CDYL2: variants seen among roughly 807,000 people sequenced by gnomAD.
CDYL2 encodes the protein chromodomain Y like 2.
In CDYL2, 23 loss-of-function variants were observed where a neutral mutation model predicts 49.4. The ratio of observed to expected loss-of-function variants is 0.47; its 90% confidence interval spans 0.34 to 0.66. The LOEUF (loss-of-function observed/expected upper bound fraction) is 0.66, where lower values mean the gene tolerates loss of function less well. Ranked by LOEUF, CDYL2 falls within the 30% of genes least tolerant of loss-of-function variation. The pLI is 0.01. For missense variants in CDYL2, 678 were observed against 656.4 expected, an observed-to-expected ratio of 1.03 and a Z score of -0.36; for synonymous variants, 360 against 268.8, an observed-to-expected ratio of 1.34 and a Z score of -3.32.
At chr16:80,736,948 A>C (rs867058264) in intron 1 of CDYL2, among the ~76,000 whole-genome samples, 5 of 152,132 alleles carry the variant, frequency 3.3e-5, no homozygotes, top group South Asian at 2.1e-4. Flanking sequence ...GGAGCCCTGG[A>C]AATTTATATT....
chr16:80,721,606 T>A lies in CDYL2; in HGVS notation c.25-36477A>T, dbSNP rs74030405. 4.0e-3 allele frequency among the ~76,000 whole-genome samples: 610 copies of A among 152,328 alleles called. 3 individuals carry two copies. Among genetic ancestry groups the A allele is most frequent in the African/African-American group, 0.014 (587 of 41,582 alleles). On this transcript the variant is annotated intron_variant, in intron 1 of 6. Coordinates refer to ENST00000570137, the MANE Select transcript of CDYL2 (RefSeq NM_152342.4). ...GACCACTTTCTTCTAAGCAGGTTTA[T>A]ATCTAGCACGTGATCCACCATATTC...
intron 2 of CDYL2, among the ~76,000 whole-genome samples, chr16:80,648,816 C>A (rs771147200): frequency 2.0e-5 from 3 of 152,036 alleles, no homozygotes; most frequent in Non-Finnish European, 4.4e-5. Context: ...TGGGATTTAT[C>A]CCTGGGATAC....
intron 1 of CDYL2, among the ~76,000 whole-genome samples, chr16:80,785,859 G>T (rs552269967): frequency 9.9e-5 from 15 of 152,252 alleles, no homozygotes; most frequent in African/African-American, 3.4e-4. Context: ...AAAAGCAATG[G>T]GGAAAAGATT....
At chr16:80,751,414 G>C (rs1041727910) in intron 1 of CDYL2, among the ~76,000 whole-genome samples, 1 of 152,188 alleles carries the variant, frequency 6.6e-6, no homozygotes, top group Admixed American at 6.5e-5. Flanking sequence ...AGCAGTATAG[G>C]GGTAGATGCT....
intron 1 of CDYL2, among the ~76,000 whole-genome samples, chr16:80,722,718 T>C (rs7200532): frequency 0.26 from 39,790 of 152,200 alleles, 6,586 homozygotes; most frequent in Middle Eastern, 0.47. Flanking sequence ...CAAGATACTG[T>C]GCTCCTTCTT....
At chr16:80,741,279 G>A (rs1047693430) in intron 1 of CDYL2, among the ~76,000 whole-genome samples, 23 of 151,152 alleles carry the variant, frequency 1.5e-4, no homozygotes, top group African/African-American at 5.3e-4. Flanking sequence ...TAAGTAAAGG[G>A]AAATTATAAA....
intron 1 of CDYL2, among the ~76,000 whole-genome samples, chr16:80,752,555 A>G (rs113822682): frequency 1.3e-5 from 2 of 152,332 alleles, no homozygotes; most frequent in African/African-American, 4.8e-5. Context: ...AGCAGGAGGA[A>G]CAACAATAAA....
intron 1 of CDYL2, among the ~76,000 whole-genome samples, chr16:80,747,186 C>T (rs1196904133): frequency 6.6e-6 from 1 of 152,112 alleles, no homozygotes; most frequent in African/African-American, 2.4e-5. Context: ...AACAAAATTT[C>T]AAGAAAATTA....
chr16:80,694,943 G>C (rs554019670), intron 1 of CDYL2, among the ~76,000 whole-genome samples: 9 of 152,302 alleles, frequency 5.9e-5, no homozygotes, highest in African/African-American at 2.2e-4. Flanking sequence ...GGCCAAAACT[G>C]GAACAATCTG....
Position 80,732,240 on chromosome 16 carries a change from C to G in CDYL2, c.25-47111G>C, listed in dbSNP as rs139019361. Among the ~76,000 whole-genome samples the G allele has an allele frequency of 5.1e-3, 770 of 152,246 alleles. 36 individuals carry two copies. Among genetic ancestry groups the G allele is most frequent in the Admixed American group, 0.048 (729 of 15,306 alleles). ...TTCCACATTTTAACATCTCTGAAAT[C>G]AGGATACATTCTACAACTGAGAGAG... On this transcript the variant is annotated intron_variant, in intron 1 of 6. Transcript: ENST00000570137.
At chr16:80,745,062 A>C (rs1905878679) in intron 1 of CDYL2, among the ~76,000 whole-genome samples, 1 of 152,206 alleles carries the variant, frequency 6.6e-6, no homozygotes, top group South Asian at 2.1e-4. Flanking sequence ...GAGGCCCTCC[A>C]TCGAGGAAGT....
intron 2 of CDYL2, among the ~76,000 whole-genome samples, chr16:80,658,023 T>C (rs1908883153): frequency 7.4e-6 from 1 of 134,730 alleles, no homozygotes; most frequent in African/African-American, 2.8e-5. Flanking sequence ...TACATTCCAA[T>C]AAAGAGAAGA....
At chr16:80,732,702 A>C (rs1905372844) in intron 1 of CDYL2, among the ~76,000 whole-genome samples, 2 of 152,228 alleles carry the variant, frequency 1.3e-5, no homozygotes, top group Non-Finnish European at 2.9e-5. Context: ...AAACATTTAC[A>C]AGGAAGCCTA....
At chr16:80,624,239 G>C (rs1001670750) in intron 3 of CDYL2, among the ~76,000 whole-genome samples, 1 of 152,306 alleles carries the variant, frequency 6.6e-6, no homozygotes. Flanking sequence ...ACCACAAACA[G>C]GCTCAGCCCT....
chr16:80,690,906 A>T (rs1199569568), intron 1 of CDYL2, among the ~76,000 whole-genome samples: 2 of 152,190 alleles, frequency 1.3e-5, no homozygotes, highest in Non-Finnish European at 2.9e-5. Context: ...AACCAGCACA[A>T]TGTATAAAAT....
intron 2 of CDYL2, among the ~76,000 whole-genome samples, chr16:80,644,033 T>A (rs575764676): frequency 6.6e-6 from 1 of 152,374 alleles, no homozygotes; most frequent in African/African-American, 2.4e-5. Flanking sequence ...CAAACTTTTA[T>A]GCTCTGTTTC....
intron 1 of CDYL2, among the ~76,000 whole-genome samples, chr16:80,774,484 T>G (rs1416326769): frequency 6.6e-6 from 1 of 152,118 alleles, no homozygotes; most frequent in Non-Finnish European, 1.5e-5. Context: ...TCCACAGCAC[T>G]GCACTGTGAC....
chr16:80,771,311 C>G (rs1177412397), intron 1 of CDYL2, among the ~76,000 whole-genome samples: 1 of 152,160 alleles, frequency 6.6e-6, no homozygotes, highest in Non-Finnish European at 1.5e-5. Context: ...AGCCCAGGGT[C>G]TAGGGGGACT....
chr16:80,784,266 CTTT>C (rs1228057437), intron 1 of CDYL2, among the ~76,000 whole-genome samples: 1 of 151,980 alleles, frequency 6.6e-6, no homozygotes, highest in African/African-American at 2.4e-5. Context: ...ATTTACTCTT[CTTT>C]GTTTTTAATA....
Sources: gnomAD v4.1 joint callset for allele counts (sites outside exome capture counted in the v4.1 genomes callset) on GRCh38, gnomAD v4.1.1 for gene constraint, MANE v1.5 for transcripts, NCBI Gene and HGNC (gene_info 2026-07-23, HGNC 2026-07-21) for gene names.